PLA2G4F: variants seen among roughly 807,000 people sequenced by gnomAD.
The protein encoded by PLA2G4F is cytosolic phospholipase A2 zeta.
Under a neutral mutation model 103.1 loss-of-function variants are expected in PLA2G4F, and 105 were observed. The ratio of observed to expected loss-of-function variants is 1.02; its 90% CI spans 0.87 to 1.20. The LOEUF is 1.20. Among genes scored for constraint, PLA2G4F ranks in the 50% most tolerant of loss-of-function variants. The pLI is 0.00. For missense variants in PLA2G4F, 1,155 were observed against 1,075.9 expected (o/e 1.07, Z -1.03); for synonymous variants, 468 against 441.1 (o/e 1.06, Z -0.76).
At chr15:42,150,183 G>T in intron 9 of PLA2G4F, 42 bp from the exon 10 acceptor site, 1 of 1,613,208 alleles carries the variant, frequency 6.2e-7, no homozygotes, top group Non-Finnish European at 8.5e-7. Flanking sequence ...CTCTGGGCAG[G>T]ATTCTCCCAG....
intron 11 of PLA2G4F, 67 bp from the exon 12 acceptor site, chr15:42,147,829 C>A (rs1025498741): frequency 6.3e-7 from 1 of 1,583,202 alleles, no homozygotes. Flanking sequence ...ACTGCCTATA[C>A]ATGTAGGACA....
rs199876237 is a variant in PLA2G4F, at chr15:42,144,121, T to G, written c.1999A>C (p.Asn667His). 162 of 1,612,444 alleles carry G rather than the reference T, an allele frequency of 1.0e-4. No individual in the cohort carries two copies. The highest frequency in any genetic ancestry group is 1.3e-4 in the Non-Finnish European group (156 of 1,179,412). The change falls in exon 18 of 20, where the codon AAC becomes CAC. Residue 667 changes from asparagine to histidine, a missense_variant. Transcript: ENST00000397272. ...CAGTCCCGCATGGGGGTGAGCTGGT[T>G]GGGGAAGGCGTCCGGGTGTGTGTCT... ...WKDTHPDAFPNQLTPMRDCLY... is the reference protein window; with the variant it reads ...WKDTHPDAFPHQLTPMRDCLY...
At chr15:42,144,953 C>T (rs1595617462) in intron 16 of PLA2G4F, among the ~76,000 whole-genome samples, 1 of 152,238 alleles carries the variant, frequency 6.6e-6, no homozygotes, top group East Asian at 1.9e-4. Context: ...TAAACACTGA[C>T]TGAGCAATTA....
chr15:42,143,903 T>TTCCCC, intron 18 of PLA2G4F, 75 bp downstream of exon 18: 3 of 1,487,446 alleles, frequency 2.0e-6, no homozygotes, highest in Non-Finnish European at 2.7e-6. Flanking sequence ...AGAGCCTTCT[T>TTCCCC]TCCCCTCCTC....
rs961130715 is a variant in PLA2G4F, at chr15:42,141,291, G to C, written c.*693C>G. On this transcript the variant is annotated 3_prime_UTR_variant, in exon 20 of 20. Coordinates refer to ENST00000397272, the MANE Select transcript of PLA2G4F (RefSeq NM_213600.4). Reference sequence around the variant, plus strand: ...GGTCCAGGTTCGAAGAGTGAAGCCTGGGTAACTGGCAGGGAGACACGCGCA... The same window carrying C: ...GGTCCAGGTTCGAAGAGTGAAGCCTCGGTAACTGGCAGGGAGACACGCGCA... 1 of 456,594 alleles carries C rather than the reference G, an allele frequency of 2.2e-6. No individual in the cohort carries two copies. The highest frequency in any genetic ancestry group is 2.3e-5 in the Admixed American group (1 of 42,566). 28.3% of individuals were successfully genotyped at this position (456,594 alleles called of 1,614,324 possible).
At chr15:42,151,791 G>T in intron 7 of PLA2G4F, 1 of 490,630 alleles carries the variant, frequency 2.0e-6, no homozygotes. Flanking sequence ...TCACCGACCT[G>T]GGTTTGACCC....
At position 42,143,904 on chromosome 15, in the gene PLA2G4F, T is replaced by C. The variant is rs1566877536; in HGVS notation, c.2142+74A>G. ...CAGTCCCCCTCACCAGAGCCTTCTT[T>C]CCCCTCCTCTCCTCCCTCACCCTTT... On this transcript the variant is annotated intron_variant, in intron 18 of 19. Transcript: ENST00000397272. 14 of 1,487,650 alleles carry C rather than the reference T, an allele frequency of 9.4e-6. No individual in the cohort carries two copies. The Admixed American group carries it at 2.6e-4, about 28-fold the overall frequency. The allele number at this position is 1,487,650 out of a possible 1,614,324, so 92.2% of individuals were successfully genotyped here.
At position 42,142,192 on chromosome 15, in the gene PLA2G4F, T is replaced by C. The variant is rs770333185; in HGVS notation, c.2342A>G (p.Gln781Arg). 10 of 1,612,192 alleles carry C rather than the reference T, an allele frequency of 6.2e-6. No individual in the cohort carries two copies. Among genetic ancestry groups the C allele is most frequent in the Non-Finnish European group, 6.8e-6 (8 of 1,178,986 alleles). ...CCCAAAGGCCTTCTCCTCAGCTGTT[T>C]GTCGCTCCACACCTGTGGGTGGGGG... ...RTHLAPGVER[Q>R]TAEEKAFGDF... Residue 781 changes from glutamine (Q) to arginine (R), a missense_variant, in exon 20 of 20, where the codon CAA (glutamine) becomes CGA (arginine). By Grantham distance (43) the Gln-to-Arg change is conservative. Transcript: ENST00000397272.
chr15:42,149,918 C>A (rs534605337), intron 10 of PLA2G4F, 70 bp from the exon 11 acceptor site: 23 of 1,574,400 alleles, frequency 1.5e-5, no homozygotes, highest in Non-Finnish European at 2.0e-5. Context: ...AGCCTTGGGC[C>A]CAGCCCAGGT....
At position 42,148,428 on chromosome 15, in the gene PLA2G4F, G is replaced by A. The variant is rs145223661; in HGVS notation, c.1060-666C>T. The A allele has an allele frequency of 3.8e-3, 742 of 195,640 alleles. 2 individuals carry two copies. Among genetic ancestry groups the A allele is most frequent in the Admixed American group, 5.5e-3 (85 of 15,338 alleles). 12.1% of individuals were successfully genotyped at this position (195,640 alleles called of 1,614,324 possible). A position where few individuals can be genotyped will look rare whatever the true frequency, so the allele number is the denominator to read the frequency against. ...TGGCACTCTCGATATTCTTGACCAGGTAGCTCTTCGCTGTGGGGACTGTCC... is the reference window on the plus strand; with the variant it reads ...TGGCACTCTCGATATTCTTGACCAGATAGCTCTTCGCTGTGGGGACTGTCC... On this transcript the variant is annotated intron_variant, in intron 11 of 19. Transcript: ENST00000397272.
chr15:42,153,673 G>A lies in PLA2G4F; in HGVS notation c.451-13C>T, dbSNP rs2048982343. 1 of 1,614,068 alleles carries A rather than the reference G, an allele frequency of 6.2e-7. No homozygotes were observed. Among genetic ancestry groups the A allele is most frequent in the Non-Finnish European group, 8.5e-7 (1 of 1,179,970 alleles). The stretch of plus-strand genomic sequence containing the variant: ...GCTCTTGTGAATCCTACATGGAGGG[G>A]GAGGGAGCACCAATTTTTTCAAGGC... On this transcript the variant is annotated splice_polypyrimidine_tract_variant and intron_variant, in intron 4 of 19. Transcript: ENST00000397272.
At position 42,141,865 on chromosome 15, in the gene PLA2G4F, A is replaced by C; in HGVS notation, c.*119T>G. The C allele has an allele frequency of 9.3e-7, 1 of 1,073,372 alleles. No individual in the cohort carries two copies. The highest frequency in any genetic ancestry group is 1.3e-6 in the Non-Finnish European group (1 of 744,462). 66.5% of individuals were successfully genotyped at this position (1,073,372 alleles called of 1,614,324 possible). A position where few individuals can be genotyped will look rare whatever the true frequency, so the allele number is the denominator to read the frequency against. On this transcript the variant is annotated 3_prime_UTR_variant, in exon 20 of 20. Coordinates refer to ENST00000397272, the MANE Select transcript of PLA2G4F (RefSeq NM_213600.4). ...TCCGGGGCCTGGGGCACCTCGAGGCAGGTCCTGGAGAGAAGGGAAGCAGAT... is the reference window on the plus strand; with the variant it reads ...TCCGGGGCCTGGGGCACCTCGAGGCCGGTCCTGGAGAGAAGGGAAGCAGAT...
At chr15:42,149,583 G>A (rs753912170) in intron 11 of PLA2G4F, 130 bp downstream of exon 11, 22 of 1,458,520 alleles carry the variant, frequency 1.5e-5, no homozygotes, top group Non-Finnish European at 1.9e-5. Context: ...TAGCTCTGCC[G>A]ATGGTGCCCA....
chr15:42,150,816 G>A lies in PLA2G4F; in HGVS notation c.602-39C>T, dbSNP rs187382713. On this transcript the variant is annotated intron_variant, in intron 7 of 19. Transcript: ENST00000397272. ...GCCCAGGTGGGTGCGCAGGTGAGGG[G>A]GTGGGTCTGTGTCTCTGCGGCTTAT... is the stretch of plus-strand genomic sequence containing the variant. 8.9e-5 allele frequency: 141 copies of A among 1,586,190 alleles called. No individual in the cohort carries two copies. In the East Asian group the frequency reaches 3.1e-3, roughly 35 times the overall value.
intron 2 of PLA2G4F, among the ~76,000 whole-genome samples, chr15:42,154,943 A>T (rs987458321): frequency 2.0e-5 from 3 of 151,920 alleles, no homozygotes; most frequent in African/African-American, 7.3e-5. Flanking sequence ...TCTTGCACTC[A>T]CACACACACT....
chr15:42,142,388 A>C (rs948570180), intron 19 of PLA2G4F, 140 bp downstream of exon 19: 17 of 1,198,884 alleles, frequency 1.4e-5, no homozygotes, highest in Non-Finnish European at 1.8e-5. Flanking sequence ...AGACCCAGGG[A>C]GCAGAGGGCC....
Position 42,141,894 on chromosome 15 carries a change from G to C in PLA2G4F, c.*90C>G. ...CCTGGAGAGAAGGGAAGCAGATCCT[G>C]CACAGAGTCCCCATCGCTCCTCCCT... On this transcript the variant is annotated 3_prime_UTR_variant, in exon 20 of 20. Coordinates refer to ENST00000397272, the MANE Select transcript of PLA2G4F (RefSeq NM_213600.4). 1 of 1,330,762 alleles carries C rather than the reference G, an allele frequency of 7.5e-7. No homozygotes were observed. Among genetic ancestry groups the C allele is most frequent in the Non-Finnish European group, 1.0e-6 (1 of 956,624 alleles). 82.4% of individuals were successfully genotyped at this position (1,330,762 alleles called of 1,614,324 possible). A position where few individuals can be genotyped will look rare whatever the true frequency, so the allele number is the denominator to read the frequency against.
chr15:42,148,160 C>T (rs548154038), intron 11 of PLA2G4F, among the ~76,000 whole-genome samples: 2 of 135,306 alleles, frequency 1.5e-5, no homozygotes, highest in Non-Finnish European at 3.0e-5. Context: ...CCAGCCTGGG[C>T]GACAGAGCGA....
chr15:42,152,511 C>T (rs1413686921), intron 7 of PLA2G4F, among the ~76,000 whole-genome samples, 177 bp downstream of exon 7: 2 of 152,210 alleles, frequency 1.3e-5, no homozygotes, highest in African/African-American at 4.8e-5. Context: ...CCTCTTTGCT[C>T]GAACACTTCC....
Sources: allele counts gnomAD v4.1 joint callset (sites outside exome capture counted in the v4.1 genomes callset), GRCh38; gene constraint gnomAD v4.1.1; transcripts MANE v1.5; gene names NCBI Gene and HGNC (gene_info 2026-07-23, HGNC 2026-07-21).